Variants in MRPL1 observed in about 807,000 individuals in gnomAD.
MRPL1 encodes mitochondrial ribosomal protein L1, also known as large ribosomal subunit protein uL1m.
A neutral mutation model predicts 38.0 loss-of-function variants in MRPL1; 28 were observed. That is an observed-to-expected ratio of 0.74 (90% CI 0.55 to 1.01). The LOEUF (loss-of-function observed/expected upper bound fraction) is 1.01, where lower values mean the gene tolerates loss of function less well. MRPL1 is among the 50% of genes least tolerant of loss of function. The pLI is 0.00. For missense variants in MRPL1, 358 were observed against 389.8 expected (o/e 0.92, Z 0.69); for synonymous variants, 123 against 126.7 (o/e 0.97, Z 0.20).
chr4:77,930,102 C>T (rs1438189003), intron 7 of MRPL1, among the ~76,000 whole-genome samples: 2 of 152,158 alleles, frequency 1.3e-5, no homozygotes, highest in Non-Finnish European at 2.9e-5. Flanking sequence ...CCCCTTCTGT[C>T]GTCACCTGGC....
At chr4:77,937,077 T>TACAC (rs1737002208) in intron 7 of MRPL1, among the ~76,000 whole-genome samples, 3 of 152,060 alleles carry the variant, frequency 2.0e-5, no homozygotes, top group Non-Finnish European at 4.4e-5. Context: ...ATGAGGTGTG[T>TACAC]TAGTGTCATT....
chr4:77,944,467 C>T (rs190437778), intron 7 of MRPL1, among the ~76,000 whole-genome samples: 13 of 152,232 alleles, frequency 8.5e-5, no homozygotes, highest in African/African-American at 2.6e-4. Context: ...TAAAGCCTTC[C>T]GTGTCAATTA....
chr4:77,950,361 A>G (rs1000020507), intron 8 of MRPL1, among the ~76,000 whole-genome samples: 2 of 152,218 alleles, frequency 1.3e-5, no homozygotes, highest in African/African-American at 2.4e-5. Flanking sequence ...ATAGAGAATC[A>G]CTCAACTCAA....
Position 77,886,852 on chromosome 4 carries a change from G to A in MRPL1, c.487-368G>A, listed in dbSNP as rs374694873. On this transcript the variant is annotated intron_variant, in intron 4 of 8. Transcript: ENST00000315567. ...CTGCCACCCAGGCTGGAGTGCAGTG[G>A]TGTGATCTCAGCTTACTGCATCCTC... is the stretch of plus-strand genomic sequence containing the variant. 3.5e-5 allele frequency among the ~76,000 whole-genome samples: 5 copies of A among 143,460 alleles called. No individual in the cohort carries two copies. The East Asian group carries it at 1.0e-3, about 29-fold the overall frequency. The allele number at this position is 143,460 out of a possible 152,430, so 94.1% of individuals were successfully genotyped here. A position where few individuals can be genotyped will look rare whatever the true frequency, so the allele number is the denominator to read the frequency against.
Position 77,871,820 on chromosome 4 carries a change from C to A in MRPL1, c.108C>A (p.Ile36=). Residue 36 remains isoleucine (I), a synonymous_variant, in exon 2 of 9, where the codon ATC becomes ATA. Transcript: ENST00000315567. ...QTSLCSCSVN[I]RVPNRHFAAA... is the part of the protein sequence containing the mutation. ...CACTTTGTTCTTGTTCTGTAAACAT[C>A]CGAGTGCCCAACAGACATTTTGCTG... 6.2e-7 allele frequency: 1 copy of A among 1,603,652 alleles called. No individual in the cohort carries two copies. The highest frequency in any genetic ancestry group is 8.5e-7 in the Non-Finnish European group (1 of 1,176,874).
chr4:77,894,151 G>C lies in MRPL1; in HGVS notation c.571G>C (p.Glu191Gln), dbSNP rs780579853. The C allele has an allele frequency of 1.3e-6, 2 of 1,591,822 alleles. No individual in the cohort carries two copies. Among genetic ancestry groups the C allele is most frequent in the East Asian group, 2.2e-5 (1 of 44,448 alleles). Residue 191 changes from glutamate to glutamine, a missense_variant, in exon 6 of 9, where the codon GAA (glutamate) becomes CAA (glutamine). Physicochemically the swap from Glu to Gln is conservative, Grantham distance 29. Transcript: ENST00000315567. ...TSLIQKIWDD[E>Q]IVADFYVAVP... Reference sequence around the variant, plus strand: ...TTTTAATTTTCAGATTTGGGATGATGAAATTGTTGCAGACTTTTACGTAGC... The same window carrying C: ...TTTTAATTTTCAGATTTGGGATGATCAAATTGTTGCAGACTTTTACGTAGC...
intron 1 of MRPL1, among the ~76,000 whole-genome samples, chr4:77,866,545 CCCCGCCTCA>C (rs1735147097): frequency 6.6e-6 from 1 of 151,958 alleles, no homozygotes; most frequent in Non-Finnish European, 1.5e-5. Context: ...CTTCTCCTAC[CCCCGCCTCA>C]CCCAGCTGAC....
chr4:77,873,402 A>G (rs1735328237), intron 2 of MRPL1, among the ~76,000 whole-genome samples: 1 of 152,218 alleles, frequency 6.6e-6, no homozygotes, highest in Admixed American at 6.5e-5. Context: ...TAATAGAATC[A>G]TTGGCTCTGG....
At chr4:77,952,254 G>A (rs1041347206) in intron 8 of MRPL1, among the ~76,000 whole-genome samples, 2 of 152,172 alleles carry the variant, frequency 1.3e-5, no homozygotes, top group Non-Finnish European at 2.9e-5. Flanking sequence ...AATATTAGAA[G>A]TGTTTGAGCT....
At chr4:77,949,014 G>A (rs1260349795) in intron 7 of MRPL1, among the ~76,000 whole-genome samples, 7 of 152,036 alleles carry the variant, frequency 4.6e-5, no homozygotes, top group Non-Finnish European at 7.4e-5. Context: ...CAGGTGATTC[G>A]CCTGCCTTGG....
chr4:77,888,382 G>A (rs1000476212), intron 5 of MRPL1, among the ~76,000 whole-genome samples: 3 of 152,152 alleles, frequency 2.0e-5, no homozygotes, highest in Non-Finnish European at 4.4e-5. Flanking sequence ...GCACATGCCT[G>A]TAATCCTAGC....
chr4:77,946,145 T>A (rs1311132823), intron 7 of MRPL1, among the ~76,000 whole-genome samples: 10 of 151,684 alleles, frequency 6.6e-5, no homozygotes, highest in African/African-American at 2.2e-4. Flanking sequence ...TTTATAGACC[T>A]CCCCCCAGGA....
At chr4:77,915,750 G>T (rs184703009) in intron 7 of MRPL1, among the ~76,000 whole-genome samples, 10 of 152,228 alleles carry the variant, frequency 6.6e-5, no homozygotes, top group Admixed American at 6.5e-4. Context: ...ATTTGTATCT[G>T]TAACTTACAT....
chr4:77,941,032 G>A (rs1320261984), intron 7 of MRPL1, among the ~76,000 whole-genome samples: 2 of 152,084 alleles, frequency 1.3e-5, no homozygotes, highest in African/African-American at 2.4e-5. Flanking sequence ...TTGGGAGACT[G>A]AGGTGGGTGG....
chr4:77,916,459 A>G (rs1010339528), intron 7 of MRPL1, among the ~76,000 whole-genome samples: 5 of 152,142 alleles, frequency 3.3e-5, no homozygotes, highest in Non-Finnish European at 7.4e-5. Flanking sequence ...TTTCCCTGCA[A>G]TTGTTTTCTT....
chr4:77,926,594 T>G (rs1022071615), intron 7 of MRPL1, among the ~76,000 whole-genome samples: 2 of 146,180 alleles, frequency 1.4e-5, no homozygotes, highest in Admixed American at 1.4e-4. Context: ...ATCATTCTTA[T>G]AGTTTTTTTC....
chr4:77,895,780 A>G (rs1735898938), intron 6 of MRPL1, among the ~76,000 whole-genome samples: 4 of 152,108 alleles, frequency 2.6e-5, no homozygotes, highest in Admixed American at 1.3e-4. Context: ...ATAAATATTT[A>G]TTAGATTTTG....
chr4:77,910,762 C>T (rs1376004794), intron 7 of MRPL1, among the ~76,000 whole-genome samples: 1 of 152,184 alleles, frequency 6.6e-6, no homozygotes, highest in Non-Finnish European at 1.5e-5. Context: ...AACAAAAAAA[C>T]TTGCTTTAGA....
chr4:77,943,650 G>GT (rs541231513), intron 7 of MRPL1, among the ~76,000 whole-genome samples: 31 of 152,066 alleles, frequency 2.0e-4, no homozygotes, highest in African/African-American at 7.0e-4. Context: ...TATTCTGCTT[G>GT]TTCGATTCTA....
Sources: gnomAD v4.1 joint callset for allele counts (sites outside exome capture counted in the v4.1 genomes callset) on GRCh38, gnomAD v4.1.1 for gene constraint, MANE v1.5 for transcripts, NCBI Gene and HGNC (gene_info 2026-07-23, HGNC 2026-07-21) for gene names.